Variants in PDE3B observed in about 807,000 individuals in gnomAD.
PDE3B encodes the protein phosphodiesterase 3B.
In PDE3B, 66 loss-of-function variants were observed where a neutral mutation model predicts 116.8. That is an observed-to-expected ratio of 0.56 (90% CI 0.46 to 0.69). PDE3B has a LOEUF of 0.69. PDE3B is among the 30% of genes least tolerant of loss of function. The pLI, the probability that PDE3B is intolerant of heterozygous loss-of-function variation, is 0.00. For synonymous variants in PDE3B, 595 were observed against 533.6 expected, an observed-to-expected ratio of 1.12 and a Z score of -1.59; for missense variants, 1,384 against 1,368.1, an observed-to-expected ratio of 1.01 and a Z score of -0.18.
intron 1 of PDE3B, among the ~76,000 whole-genome samples, chr11:14,666,871 T>C (rs1854171485): frequency 6.6e-6 from 1 of 152,210 alleles, no homozygotes; most frequent in Admixed American, 6.5e-5. Context: ...TGGAAGACAG[T>C]GTGGCAATTC....
intron 11 of PDE3B, among the ~76,000 whole-genome samples, chr11:14,842,579 A>G (rs1326927742): frequency 6.6e-6 from 1 of 152,134 alleles, no homozygotes; most frequent in African/African-American, 2.4e-5. Context: ...ATAATTATTT[A>G]AAAAATAGCT....
chr11:14,763,471 G>A (rs944750114), intron 1 of PDE3B, among the ~76,000 whole-genome samples: 1 of 151,952 alleles, frequency 6.6e-6, no homozygotes, highest in African/African-American at 2.4e-5. Flanking sequence ...ATAGTGGCCG[G>A]GTGAAAGTAT....
intron 1 of PDE3B, among the ~76,000 whole-genome samples, chr11:14,694,588 G>A (rs1400308159): frequency 3.3e-5 from 5 of 152,098 alleles, no homozygotes; most frequent in African/African-American, 9.7e-5. Context: ...TGTTCTTTAA[G>A]ACATAATGCT....
intron 1 of PDE3B, among the ~76,000 whole-genome samples, chr11:14,670,562 G>A (rs1433615188): frequency 6.6e-6 from 1 of 152,092 alleles, no homozygotes; most frequent in Non-Finnish European, 1.5e-5. Context: ...AGAGTTGCTT[G>A]AATTAGAATA....
intron 1 of PDE3B, among the ~76,000 whole-genome samples, chr11:14,752,057 G>A (rs1338744340): frequency 1.3e-5 from 2 of 152,080 alleles, no homozygotes; most frequent in African/African-American, 4.8e-5. Flanking sequence ...CTGTGACATG[G>A]GTTATCAGTG....
At chr11:14,684,676 C>T (rs1231495583) in intron 1 of PDE3B, among the ~76,000 whole-genome samples, 4 of 152,120 alleles carry the variant, frequency 2.6e-5, no homozygotes, top group Non-Finnish European at 5.9e-5. Context: ...TTATCTCAAC[C>T]GCATAAGACA....
chr11:14,802,112 G>C (rs1858790457), intron 4 of PDE3B, among the ~76,000 whole-genome samples: 1 of 152,174 alleles, frequency 6.6e-6, no homozygotes, highest in African/African-American at 2.4e-5. Context: ...TGGCTCCCTG[G>C]CTTTAGCCCT....
chr11:14,859,479 A>G (rs1847908157), intron 13 of PDE3B, among the ~76,000 whole-genome samples: 1 of 152,178 alleles, frequency 6.6e-6, no homozygotes, highest in South Asian at 2.1e-4. Context: ...ATAAACTTAT[A>G]CTATTGTGAC....
chr11:14,811,236 C>T (rs1189755397), intron 5 of PDE3B, among the ~76,000 whole-genome samples: 1 of 151,816 alleles, frequency 6.6e-6, no homozygotes, highest in African/African-American at 2.4e-5. Context: ...GACATGAAGT[C>T]CTTGCCCATG....
the PDE3B span, among the ~76,000 whole-genome samples, chr11:14,884,984 T>C: frequency 1.3e-5 from 2 of 152,146 alleles, no homozygotes; most frequent in African/African-American, 4.8e-5. Context: ...TCTTTTACAA[T>C]TTGTGCTTTC....
intron 1 of PDE3B, among the ~76,000 whole-genome samples, chr11:14,662,136 C>T (rs1840871814): frequency 6.6e-6 from 1 of 152,174 alleles, no homozygotes; most frequent in Non-Finnish European, 1.5e-5. Flanking sequence ...CAGACAGCAA[C>T]ATTCACGGTT....
In PDE3B at chr11:14,869,837, T is replaced by A. The variant is rs1848114140; in HGVS notation, c.*177T>A. On this transcript the variant is annotated 3_prime_UTR_variant, in exon 16 of 16. Coordinates refer to ENST00000282096, the MANE Select transcript of PDE3B (RefSeq NM_000922.4). ...TGGCAGTTTCCCACTCCTATGCACT[T>A]TCACAGGAACTAGAAAACTATTCTT... 1 of 550,592 alleles carries A rather than the reference T, an allele frequency of 1.8e-6. No individual in the cohort carries two copies. The highest frequency in any genetic ancestry group is 3.4e-5 in the Admixed American group (1 of 29,246). The allele number at this position is 550,592 out of a possible 1,614,324, so 34.1% of individuals were successfully genotyped here.
intron 7 of PDE3B, 150 bp downstream of exon 7, chr11:14,819,359 A>G: frequency 3.8e-6 from 2 of 525,782 alleles, no homozygotes; most frequent in East Asian, 5.7e-5. Context: ...GGACTTATTT[A>G]GAACAAATTA....
At chr11:14,682,562 C>CT (rs35440758) in intron 1 of PDE3B, among the ~76,000 whole-genome samples, 1 of 151,872 alleles carries the variant, frequency 6.6e-6, no homozygotes, top group African/African-American at 2.4e-5. Flanking sequence ...TGTCAAATGC[C>CT]TTTTTTTGCA....
chr11:14,668,889 G>A (rs774945496), intron 1 of PDE3B, among the ~76,000 whole-genome samples: 4 of 152,074 alleles, frequency 2.6e-5, no homozygotes, highest in African/African-American at 4.8e-5. Context: ...TGTTTGTCTC[G>A]GACTGAGATC....
chr11:14,669,797 A>G (rs952049883), intron 1 of PDE3B, among the ~76,000 whole-genome samples: 1 of 152,124 alleles, frequency 6.6e-6, no homozygotes, highest in African/African-American at 2.4e-5. Context: ...TTTAGGAAGA[A>G]TCATGTAAAC....
the PDE3B span, chr11:14,880,508 T>A: frequency 1.2e-6 from 2 of 1,613,430 alleles, no homozygotes. Context: ...AACTCAATCA[T>A]GTGCTGAAAA....
chr11:14,738,428 T>G (rs1751779605), intron 1 of PDE3B, among the ~76,000 whole-genome samples: 1 of 152,352 alleles, frequency 6.6e-6, no homozygotes, highest in African/African-American at 2.4e-5. Context: ...TTTTGAGAAG[T>G]GTCTGTTCAT....
chr11:14,848,956 T>G (rs1328093041), intron 12 of PDE3B, among the ~76,000 whole-genome samples: 2 of 152,144 alleles, frequency 1.3e-5, no homozygotes, highest in Admixed American at 6.6e-5. Flanking sequence ...AAGCTACCAA[T>G]GACTTTCTTC....
Sources: gnomAD v4.1 joint callset for allele counts (sites outside exome capture counted in the v4.1 genomes callset) on GRCh38, gnomAD v4.1.1 for gene constraint, MANE v1.5 for transcripts, NCBI Gene and HGNC (gene_info 2026-07-23, HGNC 2026-07-21) for gene names.